The following PLCL1 variants were observed in gnomAD, a reference collection of about 807,000 sequenced individuals.
The protein encoded by PLCL1 is phospholipase C like 1 (inactive), also known as inactive phospholipase C-like protein 1.
PLCL1 carries 41 observed loss-of-function variants against 84.4 expected under a neutral mutation model. That is an observed-to-expected ratio of 0.49 (90% CI 0.38 to 0.63). The LOEUF (loss-of-function observed/expected upper bound fraction) is 0.63. Among genes scored for constraint, PLCL1 ranks in the 30% least tolerant of loss-of-function variants. The probability of loss-of-function intolerance (pLI) is 0.00; values close to 1 mark genes in which losing one functional copy is unlikely to be tolerated. For missense variants in PLCL1, 1,206 were observed against 1,367.8 expected (o/e 0.88, Z 1.87); for synonymous variants, 490 against 488.3 (o/e 1.00, Z -0.05).
intron 1 of PLCL1, among the ~76,000 whole-genome samples, chr2:197,948,437 G>T (rs1379785532): frequency 2.6e-5 from 4 of 152,156 alleles, no homozygotes. Flanking sequence ...AGCTAGCTGG[G>T]ATAGGATTAT....
intron 1 of PLCL1, among the ~76,000 whole-genome samples, chr2:197,922,531 A>C (rs1688723962): frequency 8.1e-6 from 1 of 123,728 alleles, no homozygotes; most frequent in South Asian, 2.7e-4. Flanking sequence ...TGTTGGGCAC[A>C]CCTCCCAGAC....
At position 198,084,362 on chromosome 2, in the gene PLCL1, T is replaced by A; in HGVS notation, c.845T>A (p.Leu282Ter). The A allele has an allele frequency of 6.2e-7, 1 of 1,614,112 alleles. No homozygotes were observed. Residue 282 changes from leucine to a stop codon, truncating the protein, a stop_gained, in exon 2 of 6, where the codon TTA (leucine) becomes TAA (stop). Transcript: ENST00000428675. LOFTEE classifies it high-confidence loss of function. ...ACTCTGAAGGAAGCCAAGATCAGGTTAAAGTTTAAAGAAATCCAGAAGAGC... is the reference window on the plus strand; with the variant it reads ...ACTCTGAAGGAAGCCAAGATCAGGTAAAAGTTTAAAGAAATCCAGAAGAGC... ...NPTLKEAKIR[L>*]KFKEIQKSKE...
intron 1 of PLCL1, among the ~76,000 whole-genome samples, chr2:197,908,620 A>G (rs1688427949): frequency 6.6e-6 from 1 of 152,238 alleles, no homozygotes; most frequent in Non-Finnish European, 1.5e-5. Context: ...TTTCTAACTC[A>G]TCTTCTTATC....
At chr2:197,996,191 C>T (rs2105816633) in intron 1 of PLCL1, among the ~76,000 whole-genome samples, 1 of 151,974 alleles carries the variant, frequency 6.6e-6, no homozygotes, top group South Asian at 2.1e-4. Context: ...GAGATCCAGG[C>T]CAGAAATGCT....
chr2:198,070,510 C>G (rs966567891), intron 1 of PLCL1, among the ~76,000 whole-genome samples: 22 of 151,970 alleles, frequency 1.4e-4, no homozygotes, highest in African/African-American at 5.1e-4. Flanking sequence ...TTCACCACAG[C>G]TAACTAATAT....
intron 1 of PLCL1, among the ~76,000 whole-genome samples, chr2:198,009,454 T>C (rs1033304667): frequency 6.6e-6 from 1 of 152,034 alleles, no homozygotes; most frequent in Non-Finnish European, 1.5e-5. Flanking sequence ...CTTTTCTCTG[T>C]TGTGTGGTCT....
chr2:198,034,987 T>C (rs943836129), intron 1 of PLCL1, among the ~76,000 whole-genome samples: 1 of 152,216 alleles, frequency 6.6e-6, no homozygotes, highest in Non-Finnish European at 1.5e-5. Context: ...TCCTTTTTCA[T>C]GTCTCGTCAT....
chr2:198,149,115 T>C lies in PLCL1; in HGVS notation c.*2153T>C, dbSNP rs1694588918. On this transcript the variant is annotated 3_prime_UTR_variant, in exon 6 of 6. Transcript: ENST00000428675. ...GAGCTTTGGATTCTGGGAGTGGAGGTGGCAAGGGAAAAGTCTCCTAGTCTC... is the reference window on the plus strand; with the variant it reads ...GAGCTTTGGATTCTGGGAGTGGAGGCGGCAAGGGAAAAGTCTCCTAGTCTC... The C allele has an allele frequency of 6.6e-6, 1 of 152,244 alleles. No homozygotes were observed. The highest frequency in any genetic ancestry group is 2.1e-4 in the South Asian group (1 of 4,818). 9.4% of individuals were successfully genotyped at this position (152,244 alleles called of 1,614,324 possible).
rs536651903 is a variant in PLCL1 at position 197,965,939 on chromosome 2, C to G, written c.241-117819C>G. ...ACCCAAGGCCCACAGCATGTACTAC[C>G]TGGCTACCACTCTTGACTATTCAGG... is the stretch of plus-strand genomic sequence containing the variant. On this transcript the variant is annotated intron_variant, in intron 1 of 5. Transcript: ENST00000428675. Among the ~76,000 whole-genome samples the G allele has an allele frequency of 3.2e-4, 49 of 152,220 alleles. No individual in the cohort carries two copies. In the South Asian group the frequency reaches 9.5e-3, roughly 30 times the overall value.
At chr2:198,136,918 A>G (rs1694269163) in intron 5 of PLCL1, among the ~76,000 whole-genome samples, 1 of 152,176 alleles carries the variant, frequency 6.6e-6, no homozygotes, top group Admixed American at 6.6e-5. Context: ...TCAGATTAAA[A>G]TTATTAAATG....
chr2:198,038,805 A>T (rs560283484), intron 1 of PLCL1, among the ~76,000 whole-genome samples: 2 of 151,782 alleles, frequency 1.3e-5, no homozygotes, highest in African/African-American at 4.8e-5. Context: ...CAAACAGAAC[A>T]AAAAGGGAAA....
In PLCL1 at chr2:198,148,888, C is replaced by T. The variant is rs1456245299; in HGVS notation, c.*1926C>T. 6.6e-6 allele frequency: 1 copy of T among 152,302 alleles called. No homozygotes were observed. Among genetic ancestry groups the T allele is most frequent in the Non-Finnish European group, 1.5e-5 (1 of 68,034 alleles). The allele number at this position is 152,302 out of a possible 1,614,324, so 9.4% of individuals were successfully genotyped here. On this transcript the variant is annotated 3_prime_UTR_variant, in exon 6 of 6. Coordinates refer to ENST00000428675, the MANE Select transcript of PLCL1 (RefSeq NM_006226.4). Reference sequence around the variant, plus strand: ...CATTTATTTACTCCAGGGTCAAATCCAATCCTTGGAAGTAGCTTCTCTAGT... The same window carrying T: ...CATTTATTTACTCCAGGGTCAAATCTAATCCTTGGAAGTAGCTTCTCTAGT...
intron 1 of PLCL1, among the ~76,000 whole-genome samples, chr2:198,006,253 A>C (rs1690726434): frequency 6.6e-6 from 1 of 152,104 alleles, no homozygotes; most frequent in African/African-American, 2.4e-5. Context: ...AATGGCATTA[A>C]TTTTCTGAAG....
At chr2:197,979,445 C>A (rs1052469909) in intron 1 of PLCL1, among the ~76,000 whole-genome samples, 1 of 152,204 alleles carries the variant, frequency 6.6e-6, no homozygotes, top group Non-Finnish European at 1.5e-5. Flanking sequence ...CCTCTGAAAT[C>A]TATCCCTTTC....
At chr2:198,080,069 G>C (rs1320398376) in intron 1 of PLCL1, among the ~76,000 whole-genome samples, 1 of 152,178 alleles carries the variant, frequency 6.6e-6, no homozygotes, top group African/African-American at 2.4e-5. Flanking sequence ...GAAAGACCTT[G>C]TAGTTTATAA....
chr2:197,944,671 T>G (rs1689235530), intron 1 of PLCL1, among the ~76,000 whole-genome samples: 1 of 152,240 alleles, frequency 6.6e-6, no homozygotes, highest in Non-Finnish European at 1.5e-5. Context: ...CAAGCCGGTA[T>G]AAGCCAGCTG....
At chr2:197,854,229 A>C (rs1019724174) in intron 1 of PLCL1, among the ~76,000 whole-genome samples, 1 of 152,188 alleles carries the variant, frequency 6.6e-6, no homozygotes, top group African/African-American at 2.4e-5. Flanking sequence ...CTGAATTGAA[A>C]TGGGGCTGGA....
At chr2:197,886,454 T>TAAAAAAAAAAAAAAAAA (rs1687925468) in intron 1 of PLCL1, among the ~76,000 whole-genome samples, 3 of 90,528 alleles carry the variant, frequency 3.3e-5, no homozygotes, top group Non-Finnish European at 7.3e-5. Context: ...AAAAAAAAAG[T>TAAAAAAAAAAAAAAAAA]AAAATTCTTC....
Position 198,084,166 on chromosome 2 carries a change from G to T in PLCL1, c.649G>T (p.Gly217Trp). 1.2e-6 allele frequency: 2 copies of T among 1,614,108 alleles called. No homozygotes were observed. The highest frequency in any genetic ancestry group is 1.7e-6 in the Non-Finnish European group (2 of 1,180,008). ...AGATGTGGCAAACATCTGGGTGTCT[G>T]GGTTACGGTACCTGGTTTCTCGAAG... ...SADVANIWVS[G>W]LRYLVSRSKQ... Residue 217 changes from glycine to tryptophan, a missense_variant, in exon 2 of 6, where the codon GGG becomes TGG. By Grantham distance (184) the Gly-to-Trp change is radical. Transcript: ENST00000428675.
Sources: gnomAD v4.1 joint callset for allele counts (sites outside exome capture counted in the v4.1 genomes callset) on GRCh38, gnomAD v4.1.1 for gene constraint, MANE v1.5 for transcripts, NCBI Gene and HGNC (gene_info 2026-07-23, HGNC 2026-07-21) for gene names.